The following PRKCE variants were observed in gnomAD, a reference collection of about 807,000 sequenced individuals.
The protein encoded by PRKCE is protein kinase C epsilon.
A neutral mutation model predicts 85.4 loss-of-function variants in PRKCE; 16 were observed. That is an observed-to-expected ratio of 0.19 (90% CI 0.13 to 0.28). The LOEUF (loss-of-function observed/expected upper bound fraction) is 0.28, where lower values mean the gene tolerates loss of function less well. Among genes scored for constraint, PRKCE ranks in the 10% least tolerant of loss-of-function variants. PRKCE has a pLI of 1.00. For synonymous variants in PRKCE, 388 were observed against 371.5 expected (o/e 1.04, Z -0.51); for missense variants, 573 against 975.2 (o/e 0.59, Z 5.49).
intron 10 of PRKCE, among the ~76,000 whole-genome samples, chr2:46,022,638 G>T (rs1376571657): frequency 2.0e-5 from 3 of 152,150 alleles, no homozygotes; most frequent in Non-Finnish European, 2.9e-5. Context: ...TTTACATCAG[G>T]GTTCCAAACT....
intron 1 of PRKCE, among the ~76,000 whole-genome samples, chr2:45,781,671 A>G (rs1686202133): frequency 6.6e-6 from 1 of 152,088 alleles, no homozygotes; most frequent in South Asian, 2.1e-4. Context: ...TGATATTGGA[A>G]CAGCTACATC....
At chr2:45,664,424 A>T (rs1675818551) in intron 1 of PRKCE, among the ~76,000 whole-genome samples, 1 of 152,246 alleles carries the variant, frequency 6.6e-6, no homozygotes, top group Non-Finnish European at 1.5e-5. Flanking sequence ...ATTGGTAATT[A>T]TCTGTGATTA....
chr2:45,984,099 G>A (rs573732462), intron 5 of PRKCE, among the ~76,000 whole-genome samples: 47 of 151,702 alleles, frequency 3.1e-4, no homozygotes, highest in Non-Finnish European at 6.5e-4. Flanking sequence ...CACCATGCCC[G>A]GCTAATTTTT....
intron 2 of PRKCE, among the ~76,000 whole-genome samples, chr2:45,901,772 A>T (rs535530675): frequency 1.3e-4 from 20 of 152,318 alleles, no homozygotes; most frequent in Admixed American, 4.6e-4. Flanking sequence ...TTCCCTGAAG[A>T]ATATGGAAAT....
At chr2:46,089,040 C>G (rs1365945454) in intron 11 of PRKCE, among the ~76,000 whole-genome samples, 1 of 152,188 alleles carries the variant, frequency 6.6e-6, no homozygotes, top group African/African-American at 2.4e-5. Context: ...ATGCCTTCCT[C>G]TCACCAACCT....
At chr2:45,917,933 C>CCAGGGCTGG (rs1157490421) in intron 2 of PRKCE, among the ~76,000 whole-genome samples, 1 of 152,212 alleles carries the variant, frequency 6.6e-6, no homozygotes, top group Non-Finnish European at 1.5e-5. Context: ...CCCTCATTGC[C>CCAGGGCTGG]CAGGGCTGGC....
At chr2:45,783,956 T>G (rs1573342422) in intron 1 of PRKCE, among the ~76,000 whole-genome samples, 1 of 152,230 alleles carries the variant, frequency 6.6e-6, no homozygotes, top group Non-Finnish European at 1.5e-5. Context: ...GGCCATGACT[T>G]CGAACTTTGT....
chr2:45,842,658 A>T (rs1349193305), intron 1 of PRKCE, among the ~76,000 whole-genome samples: 3 of 152,288 alleles, frequency 2.0e-5, no homozygotes, highest in Non-Finnish European at 4.4e-5. Flanking sequence ...CATCCTGTGC[A>T]CTGTAGAATG....
chr2:46,106,445 A>C (rs1435264228), intron 11 of PRKCE, among the ~76,000 whole-genome samples: 1 of 152,242 alleles, frequency 6.6e-6, no homozygotes, highest in Non-Finnish European at 1.5e-5. Flanking sequence ...AGAGTACTGC[A>C]ATAGTTTGCT....
chr2:45,830,021 C>A (rs924250082), intron 1 of PRKCE, among the ~76,000 whole-genome samples: 1 of 145,052 alleles, frequency 6.9e-6, no homozygotes. Context: ...TGCAGTGAGC[C>A]GAGATCGCGC....
chr2:46,151,209 G>T lies in PRKCE; in HGVS notation c.1900G>T (p.Ala634Ser), dbSNP rs1676585214. Residue 634 changes from alanine to serine, a missense_variant, in exon 13 of 15, where the codon GCT (alanine) becomes TCT (serine). Around this residue, in one of 11 missense-constraint regions of PRKCE, gnomAD observed 72 missense variants for 166.0 expected, o/e 0.43. Transcript: ENST00000306156. ...VLYPVWLSKEAVSILKAFMTK... is the reference protein window; with the variant it reads ...VLYPVWLSKESVSILKAFMTK... The stretch of plus-strand genomic sequence containing the variant: ...GTACCCAGTCTGGCTCAGCAAGGAG[G>T]CTGTCAGCATCTTGAAAGCTGTGAG... The T allele has an allele frequency of 6.3e-7, 1 of 1,594,256 alleles. No individual in the cohort carries two copies. Among genetic ancestry groups the T allele is most frequent in the Non-Finnish European group, 8.5e-7 (1 of 1,176,580 alleles).
intron 2 of PRKCE, among the ~76,000 whole-genome samples, chr2:45,885,002 T>TATATATATATTTTTTTTGTTG (rs1553440407): frequency 1.0e-5 from 1 of 97,642 alleles, no homozygotes; most frequent in Non-Finnish European, 2.1e-5. Context: ...TATATATATA[T>TATATATATATTTTTTTTGTTG]TTGTTGTTGT....
intron 10 of PRKCE, among the ~76,000 whole-genome samples, chr2:46,058,903 G>GC (rs1224090098): frequency 6.6e-6 from 1 of 152,144 alleles, no homozygotes; most frequent in Non-Finnish European, 1.5e-5. Context: ...TTGCCGTGTG[G>GC]CCCAGGCTGG....
At chr2:46,016,251 A>G (rs1706132677) in intron 10 of PRKCE, among the ~76,000 whole-genome samples, 1 of 152,216 alleles carries the variant, frequency 6.6e-6, no homozygotes, top group Non-Finnish European at 1.5e-5. Flanking sequence ...CTTTTATGGC[A>G]GGACCTTTGG....
Position 45,827,878 on chromosome 2 carries a change from T to C in PRKCE, c.349-15122T>C, listed in dbSNP as rs145659800. Reference sequence around the variant, plus strand: ...TTGACATACCTAATAAATTCTGTTTTACTTTATGTTATATAAATTTGAGAC... The same window carrying C: ...TTGACATACCTAATAAATTCTGTTTCACTTTATGTTATATAAATTTGAGAC... On this transcript the variant is annotated intron_variant, in intron 1 of 14. Coordinates refer to ENST00000306156, the MANE Select transcript of PRKCE (RefSeq NM_005400.3). 2.5e-3 allele frequency among the ~76,000 whole-genome samples: 385 copies of C among 152,386 alleles called. 3 individuals carry two copies. Among genetic ancestry groups the C allele is most frequent in the African/African-American group, 8.1e-3 (336 of 41,596 alleles).
intron 1 of PRKCE, among the ~76,000 whole-genome samples, chr2:45,729,299 A>G (rs1262270183): frequency 1.3e-5 from 2 of 152,186 alleles, no homozygotes; most frequent in African/African-American, 2.4e-5. Flanking sequence ...TAGAGTAGAG[A>G]GAAAGTAGAT....
chr2:46,038,302 T>C (rs1708000965), intron 10 of PRKCE, among the ~76,000 whole-genome samples: 1 of 151,832 alleles, frequency 6.6e-6, no homozygotes, highest in African/African-American at 2.4e-5. Flanking sequence ...CTTGGCAAAG[T>C]GGGGTGGGGA....
At chr2:45,909,602 T>C (rs1382869851) in intron 2 of PRKCE, among the ~76,000 whole-genome samples, 1 of 152,166 alleles carries the variant, frequency 6.6e-6, no homozygotes, top group Non-Finnish European at 1.5e-5. Flanking sequence ...TCAGCGAAAA[T>C]AAAACCTTAG....
At chr2:45,984,702 C>T in intron 6 of PRKCE, 22 bp downstream of exon 6, 1 of 1,588,812 alleles carries the variant, frequency 6.3e-7, no homozygotes, top group Non-Finnish European at 8.5e-7. Context: ...CCTGCCCTGC[C>T]CTCAGCCCCT....
Sources: allele counts gnomAD v4.1 joint callset (sites outside exome capture counted in the v4.1 genomes callset), GRCh38; gene constraint gnomAD v4.1.1; regional missense constraint gnomAD v4.1.1; transcripts MANE v1.5; gene names NCBI Gene and HGNC (gene_info 2026-07-23, HGNC 2026-07-21).